The following ERBIN variants were observed in gnomAD, a reference collection of about 807,000 sequenced individuals.
ERBIN encodes erbb2 interacting protein.
In ERBIN, 60 loss-of-function variants were observed where a neutral mutation model predicts 158.4. The observed-to-expected ratio is 0.38, with a 90% confidence interval of 0.31 to 0.47. The LOEUF is 0.47. Ranked by LOEUF, ERBIN falls within the 20% of genes least tolerant of loss-of-function variation. The probability of loss-of-function intolerance (pLI) is 0.99; values close to 1 mark genes in which losing one functional copy is unlikely to be tolerated. For missense variants in ERBIN, 1,610 were observed against 1,648.0 expected, an observed-to-expected ratio of 0.98 and a Z score of 0.40; for synonymous variants, 594 against 557.2, an observed-to-expected ratio of 1.07 and a Z score of -0.93.
In ERBIN at chr5:66,014,649, A is replaced by ATT; in HGVS notation, c.477-11_477-10dup. 7 of 1,076,372 alleles carry ATT rather than the reference A, an allele frequency of 6.5e-6. No individual in the cohort carries two copies. Among genetic ancestry groups the ATT allele is most frequent in the South Asian group, 3.2e-5 (2 of 61,736 alleles). The allele number at this position is 1,076,372 out of a possible 1,614,324, so 66.7% of individuals were successfully genotyped here. ...TCATTGTCTTTGTCCTAAATACATG[A>ATT]TTTTTTTTTTGTATTGCAGATTAAC... On this transcript the variant is annotated intron_variant, in intron 6 of 25. Coordinates refer to ENST00000284037, the MANE Select transcript of ERBIN (RefSeq NM_001253697.2).
chr5:65,959,543 G>C (rs1747681114), intron 1 of ERBIN, among the ~76,000 whole-genome samples: 1 of 152,110 alleles, frequency 6.6e-6, no homozygotes, highest in Non-Finnish European at 1.5e-5. Flanking sequence ...TTTGGGGTTG[G>C]TCCATGGACT....
chr5:66,029,241 C>T (rs2151163134), intron 14 of ERBIN, among the ~76,000 whole-genome samples: 1 of 152,144 alleles, frequency 6.6e-6, no homozygotes, highest in East Asian at 1.9e-4. Flanking sequence ...TATATTCCCA[C>T]CAACAGTGTG....
chr5:65,947,229 T>C (rs1001317483), intron 1 of ERBIN, among the ~76,000 whole-genome samples: 9 of 152,176 alleles, frequency 5.9e-5, no homozygotes, highest in African/African-American at 2.2e-4. Context: ...GTTTTGCATT[T>C]CCCTCTGTGA....
chr5:66,018,454 TTATATTATATA>T (rs1755062768), intron 7 of ERBIN, among the ~76,000 whole-genome samples: 1 of 21,976 alleles, frequency 4.6e-5, no homozygotes, highest in Non-Finnish European at 8.5e-5. Flanking sequence ...ATAATATATA[TTATATTATATA>T]ATATATATTA....
Position 66,080,762 on chromosome 5 carries a change from A to G in ERBIN, c.*2232A>G, listed in dbSNP as rs1762351374. 1.3e-5 allele frequency: 2 copies of G among 152,060 alleles called. No homozygotes were observed. The highest frequency in any genetic ancestry group is 4.8e-5 in the African/African-American group (2 of 41,460). The allele number at this position is 152,060 out of a possible 1,614,324, so 9.4% of individuals were successfully genotyped here. A position where few individuals can be genotyped will look rare whatever the true frequency, so the allele number is the denominator to read the frequency against. On this transcript the variant is annotated 3_prime_UTR_variant, in exon 26 of 26. Transcript: ENST00000284037. ...TGGATCTTCAGCAAACCTTAACTTC[A>G]TTGTCTGCACATTACATTGAAGTAT...
intron 1 of ERBIN, among the ~76,000 whole-genome samples, chr5:65,977,271 T>C (rs1261077734): frequency 1.4e-4 from 17 of 120,836 alleles, no homozygotes; most frequent in South Asian, 5.8e-4. Flanking sequence ...CCCTCCCGGA[T>C]GGGGCGGCTG....
intron 1 of ERBIN, among the ~76,000 whole-genome samples, chr5:65,933,596 A>C (rs1743710834): frequency 6.6e-6 from 1 of 152,132 alleles, no homozygotes; most frequent in Non-Finnish European, 1.5e-5. Flanking sequence ...TGCTTCTCTT[A>C]ATCCTTCTTG....
chr5:65,980,423 G>A (rs192242302), intron 1 of ERBIN, among the ~76,000 whole-genome samples: 6 of 151,966 alleles, frequency 3.9e-5, no homozygotes, highest in East Asian at 1.9e-4. Flanking sequence ...GCAAGACTCC[G>A]TCTCAAAAAA....
chr5:65,957,245 A>G (rs1233647629), intron 1 of ERBIN, among the ~76,000 whole-genome samples: 1 of 148,768 alleles, frequency 6.7e-6, no homozygotes, highest in Non-Finnish European at 1.5e-5. Flanking sequence ...TTTATTGATC[A>G]TTCTTGGGTG....
At position 66,075,095 on chromosome 5, in the gene ERBIN, C is replaced by G. The variant is rs140223756; in HGVS notation, c.3828C>G (p.Pro1276=). The change falls in exon 23 of 26, where the codon CCC becomes CCG. Residue 1276 remains proline, a synonymous_variant. Coordinates refer to ENST00000284037, the MANE Select transcript of ERBIN (RefSeq NM_001253697.2). ...PQANYSQIHH[P]PQASVARHPS... ...CAAATTATAGTCAAATACATCACCC[C>G]CCTCAGGCATCTGTGGCAAGGCATC... 5.6e-6 allele frequency: 9 copies of G among 1,614,012 alleles called. No individual in the cohort carries two copies. Among genetic ancestry groups the G allele is most frequent in the African/African-American group, 1.3e-5 (1 of 74,902 alleles).
chr5:65,953,933 T>A (rs769684693), intron 1 of ERBIN, among the ~76,000 whole-genome samples: 2 of 152,126 alleles, frequency 1.3e-5, no homozygotes, highest in Non-Finnish European at 2.9e-5. Flanking sequence ...CCCCAAACAT[T>A]ATAGACCTGG....
At chr5:65,948,117 A>G (rs541185968) in intron 1 of ERBIN, among the ~76,000 whole-genome samples, 1 of 151,830 alleles carries the variant, frequency 6.6e-6, no homozygotes, top group East Asian at 1.9e-4. Flanking sequence ...TACAGCACGT[A>G]TTCTATAGCT....
Position 66,037,068 on chromosome 5 carries a change from G to A in ERBIN, c.1207-1315G>A, listed in dbSNP as rs374910114. On this transcript the variant is annotated intron_variant, in intron 14 of 25. Transcript: ENST00000284037. ...AACAGTTTTAGAAGATTTTCAGGGT[G>A]ATGAGTTTTTAAAAGCCTCCCATAT... Among the ~76,000 whole-genome samples the A allele has an allele frequency of 6.0e-4, 92 of 152,254 alleles. No individual in the cohort carries two copies. The East Asian group carries it at 0.01, about 17-fold the overall frequency.
At chr5:65,988,022 T>C (rs986646875) in intron 1 of ERBIN, among the ~76,000 whole-genome samples, 2 of 152,254 alleles carry the variant, frequency 1.3e-5, no homozygotes, top group South Asian at 4.2e-4. Context: ...GAAAGAGTAT[T>C]TATATAATGA....
chr5:65,971,934 T>C (rs1749294380), intron 1 of ERBIN, among the ~76,000 whole-genome samples: 1 of 152,164 alleles, frequency 6.6e-6, no homozygotes. Context: ...AAAGGGAGAA[T>C]AGCTCTCACA....
At chr5:65,975,997 G>A (rs897379297) in intron 1 of ERBIN, among the ~76,000 whole-genome samples, 28 of 152,264 alleles carry the variant, frequency 1.8e-4, no homozygotes, top group African/African-American at 6.7e-4. Context: ...GGCTCCCTAA[G>A]TCATGCATAA....
Position 66,044,280 on chromosome 5 carries a change from A to G in ERBIN, c.1572A>G (p.Gln524=). ...SGRDLKPHED[Q]QDINKDVGVK... is the part of the protein sequence containing the mutation. ...GAGATTTGAAACCACATGAAGATCA[A>G]CAAGATATAAATAAAGATGTGGGTG... Residue 524 remains glutamine (Q), a synonymous_variant, in exon 17 of 26, where the codon CAA becomes CAG. Transcript: ENST00000284037. The G allele has an allele frequency of 6.2e-7, 1 of 1,602,494 alleles. No individual in the cohort carries two copies. Among genetic ancestry groups the G allele is most frequent in the Non-Finnish European group, 8.5e-7 (1 of 1,177,044 alleles).
intron 1 of ERBIN, among the ~76,000 whole-genome samples, chr5:65,965,337 C>T (rs1325079205): frequency 1.4e-5 from 2 of 145,914 alleles, no homozygotes; most frequent in African/African-American, 5.1e-5. Context: ...GATTGCTTTT[C>T]TCCAGATCTA....
rs371953654 is a variant in ERBIN at position 66,054,568 on chromosome 5, G to T, written c.3250G>T (p.Ala1084Ser). ...GCGACAAAGTAGTGTGTCCTCCACA[G>T]CCTCTGTAAATCTTGGTGATCCAGG... ...IQRQSSVSST[A>S]SVNLGDPGST... The change falls in exon 21 of 26, where the codon GCC becomes TCC. Residue 1084 changes from alanine to serine, a missense_variant. Ala to Ser is a moderately conservative substitution (Grantham distance 99). Transcript: ENST00000284037. 6.2e-7 allele frequency: 1 copy of T among 1,614,008 alleles called. No individual in the cohort carries two copies. The highest frequency in any genetic ancestry group is 8.5e-7 in the Non-Finnish European group (1 of 1,180,010).
Sources: gnomAD v4.1 joint callset for allele counts (sites outside exome capture counted in the v4.1 genomes callset) on GRCh38, gnomAD v4.1.1 for gene constraint, MANE v1.5 for transcripts, NCBI Gene and HGNC (gene_info 2026-07-23, HGNC 2026-07-21) for gene names.